EXOC1L: variants seen among roughly 807,000 people sequenced by gnomAD.
The protein encoded by EXOC1L is exocyst complex component 1-like.
EXOC1L carries 10 observed loss-of-function variants against 4.9 expected under a neutral mutation model. The ratio of observed to expected loss-of-function variants is 2.02; its 90% CI spans 1.25 to 3.43. The LOEUF is 3.43. Among genes scored for constraint, EXOC1L ranks in the 30% most tolerant of loss-of-function variants. The probability of loss-of-function intolerance (pLI) is 0.00; values close to 1 mark genes in which losing one functional copy is unlikely to be tolerated. For synonymous variants in EXOC1L, 41 were observed against 20.8 expected, an observed-to-expected ratio of 1.97 and a Z score of -2.63; for missense variants, 114 against 59.4, an observed-to-expected ratio of 1.92 and a Z score of -3.02.
chr4:55,824,909 T>C (rs1280253309), intron 1 of EXOC1L, among the ~76,000 whole-genome samples: 7 of 152,222 alleles, frequency 4.6e-5, no homozygotes, highest in Non-Finnish European at 8.8e-5. Flanking sequence ...ATTTTCCCAG[T>C]GGCTAATCTA....
At chr4:55,822,099 A>G (rs957442957) in intron 1 of EXOC1L, among the ~76,000 whole-genome samples, 3 of 152,196 alleles carry the variant, frequency 2.0e-5, no homozygotes, top group African/African-American at 7.2e-5. Flanking sequence ...TATTCCCTAC[A>G]ATCTAGCGCT....
At chr4:55,829,328 TAAGAA>T (rs1719966481) in intron 1 of EXOC1L, among the ~76,000 whole-genome samples, 1 of 152,184 alleles carries the variant, frequency 6.6e-6, no homozygotes, top group Admixed American at 6.5e-5. Flanking sequence ...TTTTACAACA[TAAGAA>T]AAGTGAGGTT....
intron 1 of EXOC1L, among the ~76,000 whole-genome samples, chr4:55,828,373 G>T (rs1719936880): frequency 6.6e-6 from 1 of 152,110 alleles, no homozygotes; most frequent in Non-Finnish European, 1.5e-5. Flanking sequence ...CTAATAAAGG[G>T]ACTTAACGGG....
intron 2 of EXOC1L, among the ~76,000 whole-genome samples, chr4:55,835,151 CAT>C (rs1478936932): frequency 1.3e-5 from 2 of 151,586 alleles, no homozygotes; most frequent in Admixed American, 6.6e-5. Flanking sequence ...CTGTAAATGA[CAT>C]TATTTCATTC....
rs375000938 is a variant in EXOC1L at position 55,837,293 on chromosome 4, G to A, written c.461G>A (p.Arg154Lys). The change falls in exon 3 of 3, where the codon AGA becomes AAA. Residue 154 changes from arginine (R) to lysine (K), a missense_variant. Transcript: ENST00000636125. ...SNNKDCLVLM[R>K]ICFYAFNLVC... is the part of the protein sequence containing the mutation. ...AATAAGGATTGTTTGGTCCTTATGA[G>A]AATATGCTTTTACGCTTTCAATCTT... The A allele has an allele frequency of 1.7e-5, 12 of 685,970 alleles. No homozygotes were observed. The highest frequency in any genetic ancestry group is 1.6e-4 in the African/African-American group (9 of 56,902). The allele number at this position is 685,970 out of a possible 1,614,324, so 42.5% of individuals were successfully genotyped here.
chr4:55,824,273 T>TCATACACA (rs1719818517), intron 1 of EXOC1L, among the ~76,000 whole-genome samples: 2 of 147,266 alleles, frequency 1.4e-5, no homozygotes, highest in South Asian at 4.4e-4. Flanking sequence ...TCTCTCTCTC[T>TCATACACA]CACACACACA....
At chr4:55,833,651 C>T (rs10022984) in intron 2 of EXOC1L, among the ~76,000 whole-genome samples, 6,085 of 151,760 alleles carry the variant, frequency 0.04, 173 homozygotes, top group Admixed American at 0.082. Context: ...CAAATATTAC[C>T]GATGTTATCA....
chr4:55,832,330 T>A (rs1339639056), intron 2 of EXOC1L, among the ~76,000 whole-genome samples: 1 of 152,116 alleles, frequency 6.6e-6, no homozygotes, highest in Non-Finnish European at 1.5e-5. Flanking sequence ...TTAAGTTCAT[T>A]TATTCTTAAT....
At chr4:55,832,879 G>T (rs1720068908) in intron 2 of EXOC1L, among the ~76,000 whole-genome samples, 1 of 151,888 alleles carries the variant, frequency 6.6e-6, no homozygotes, top group Non-Finnish European at 1.5e-5. Flanking sequence ...GGCCCCACTA[G>T]GCTCTGAGGA....
intron 2 of EXOC1L, among the ~76,000 whole-genome samples, chr4:55,832,782 C>A (rs1720067513): frequency 6.6e-6 from 1 of 151,876 alleles, no homozygotes; most frequent in African/African-American, 2.4e-5. Context: ...ATTAATTTGC[C>A]TTCTTTGGAT....
chr4:55,824,273 T>TCTCA lies in EXOC1L; in HGVS notation c.121+4127_121+4128insTCAC, dbSNP rs762230810. Among the ~76,000 whole-genome samples, 294 of 147,262 alleles carry TCTCA rather than the reference T, an allele frequency of 2.0e-3. 1 individual carries two copies. The highest frequency in any genetic ancestry group is 6.3e-3 in the African/African-American group (255 of 40,158). On this transcript the variant is annotated intron_variant, in intron 1 of 2. Transcript: ENST00000636125. ...TTTCAAGTCTCTCTCTCTCTCTCTC[T>TCTCA]CACACACACACACACACACACACAC...
At position 55,837,127 on chromosome 4, in the gene EXOC1L, T is replaced by A; in HGVS notation, c.295T>A (p.Leu99Met). 1.4e-6 allele frequency: 1 copy of A among 701,672 alleles called. No homozygotes were observed. The highest frequency in any genetic ancestry group is 2.6e-6 in the Non-Finnish European group (1 of 384,080). 43.5% of individuals were successfully genotyped at this position (701,672 alleles called of 1,614,324 possible). ...TCTGCACTTCAAGAAAGTGTACAGT[T>A]TGGAAGCATATAGCTGTGCTTCTAA... ...FDLHFKKVYS[L>M]EAYSCASKYA... The change falls in exon 3 of 3, where the codon TTG becomes ATG. Residue 99 changes from leucine to methionine, a missense_variant. Transcript: ENST00000636125.
chr4:55,822,400 C>A (rs569993575), intron 1 of EXOC1L, among the ~76,000 whole-genome samples: 1 of 152,280 alleles, frequency 6.6e-6, no homozygotes, highest in African/African-American at 2.4e-5. Flanking sequence ...TTTGCATGGT[C>A]ATTTCTCCCT....
At chr4:55,833,618 T>C (rs560180070) in intron 2 of EXOC1L, among the ~76,000 whole-genome samples, 1 of 152,034 alleles carries the variant, frequency 6.6e-6, no homozygotes, top group East Asian at 1.9e-4. Context: ...GACCCATTTT[T>C]CTTGTCTTTT....
chr4:55,833,659 T>C (rs548095620), intron 2 of EXOC1L, among the ~76,000 whole-genome samples: 1 of 152,028 alleles, frequency 6.6e-6, no homozygotes, highest in South Asian at 2.1e-4. Context: ...ACCGATGTTA[T>C]CATTGATTTT....
In EXOC1L at chr4:55,837,430, T is replaced by G. The variant is rs966641418; in HGVS notation, c.*79T>G. On this transcript the variant is annotated 3_prime_UTR_variant, in exon 3 of 3. Transcript: ENST00000636125. ...AATATTGATTGTCATAATTTTGTTT[T>G]TCCTTCATCAGTGATTATTATAATT... 4.5e-6 allele frequency: 2 copies of G among 440,610 alleles called. No homozygotes were observed. The highest frequency in any genetic ancestry group is 8.0e-6 in the Non-Finnish European group (2 of 249,368). The allele number at this position is 440,610 out of a possible 1,614,324, so 27.3% of individuals were successfully genotyped here. A position where few individuals can be genotyped will look rare whatever the true frequency, so the allele number is the denominator to read the frequency against.
chr4:55,835,038 C>T (rs533000447), intron 2 of EXOC1L, among the ~76,000 whole-genome samples: 99 of 151,840 alleles, frequency 6.5e-4, no homozygotes, highest in African/African-American at 1.9e-3. Flanking sequence ...CTTTTGCATA[C>T]GCATAACTTA....
In EXOC1L at chr4:55,820,110, G is replaced by C. The variant is rs1394106939; in HGVS notation, c.84G>C (p.Glu28Asp). The change falls in exon 1 of 3, where the codon GAG becomes GAC. Residue 28 changes from glutamate to aspartate, a missense_variant. Glu to Asp is a conservative substitution (Grantham distance 45). Transcript: ENST00000636125. Reference sequence around the variant, plus strand: ...ATCTGTACGAGTTTATTGAAATAGAGTTCTCCGTCCAGGACAGGTATTACC... The same window carrying C: ...ATCTGTACGAGTTTATTGAAATAGACTTCTCCGTCCAGGACAGGTATTACC... The part of the protein sequence containing the change: ...SQNLYEFIEI[E>D]FSVQDRYYLC... The C allele has an allele frequency of 2.5e-6, 1 of 398,888 alleles. No individual in the cohort carries two copies. Among genetic ancestry groups the C allele is most frequent in the Non-Finnish European group, 4.4e-6 (1 of 226,064 alleles). The allele number at this position is 398,888 out of a possible 1,614,324, so 24.7% of individuals were successfully genotyped here. A position where few individuals can be genotyped will look rare whatever the true frequency, so the allele number is the denominator to read the frequency against.
intron 1 of EXOC1L, among the ~76,000 whole-genome samples, chr4:55,827,948 T>C (rs1408835589): frequency 1.3e-5 from 2 of 152,180 alleles, no homozygotes. Context: ...GGAAACTTTT[T>C]AGTGCTAGAG....
Sources: gnomAD v4.1 joint callset for allele counts (sites outside exome capture counted in the v4.1 genomes callset) on GRCh38, gnomAD v4.1.1 for gene constraint, MANE v1.5 for transcripts, NCBI Gene and HGNC (gene_info 2026-07-23, HGNC 2026-07-21) for gene names.